The following OTUD3 variants were observed in gnomAD, a reference collection of about 807,000 sequenced individuals.
The protein encoded by OTUD3 is OTU domain-containing protein 3.
Under a neutral mutation model 46.2 loss-of-function variants are expected in OTUD3, and 24 were observed. That is an observed-to-expected ratio of 0.52 (90% CI 0.38 to 0.73). The LOEUF (loss-of-function observed/expected upper bound fraction) is 0.73, where lower values mean the gene tolerates loss of function less well. Among genes scored for constraint, OTUD3 ranks in the 30% least tolerant of loss-of-function variants. The pLI, the probability that OTUD3 is intolerant of heterozygous loss-of-function variation, is 0.00. For missense variants in OTUD3, 455 were observed against 523.3 expected (o/e 0.87, Z 1.27); for synonymous variants, 189 against 195.4 (o/e 0.97, Z 0.27).
chr1:19,897,807 A>G (rs1056265996), intron 4 of OTUD3, 145 bp downstream of exon 4: 13 of 801,864 alleles, frequency 1.6e-5, no homozygotes, highest in Non-Finnish European at 2.2e-5. Flanking sequence ...AATATTTTTT[A>G]TTTCTTAGTT....
At chr1:19,907,124 G>A (rs1425624925) in intron 7 of OTUD3, among the ~76,000 whole-genome samples, 1 of 152,142 alleles carries the variant, frequency 6.6e-6, no homozygotes. Context: ...AGTAGTATGT[G>A]ACATCTTCCA....
intron 1 of OTUD3, 75 bp from the exon 2 acceptor site, chr1:19,890,310 G>A: frequency 7.3e-7 from 1 of 1,378,024 alleles, no homozygotes. Flanking sequence ...TGGATGATCT[G>A]GCATGAAGCA....
Position 19,904,998 on chromosome 1 carries a change from G to T in OTUD3, c.835+11G>T, listed in dbSNP as rs377457551. On this transcript the variant is annotated intron_variant, in intron 6 of 7. Coordinates refer to ENST00000375120, the MANE Select transcript of OTUD3 (RefSeq NM_015207.2). ...AAGGGAAGAGAAATAGTAAGTCCAT[G>T]ACTAATATTTATAGATCTTCAAAAT... is the stretch of plus-strand genomic sequence containing the variant. 1 of 1,313,874 alleles carries T rather than the reference G, an allele frequency of 7.6e-7. No individual in the cohort carries two copies. Among genetic ancestry groups the T allele is most frequent in the African/African-American group, 1.5e-5 (1 of 67,960 alleles). 81.4% of individuals were successfully genotyped at this position (1,313,874 alleles called of 1,614,324 possible). A position where few individuals can be genotyped will look rare whatever the true frequency, so the allele number is the denominator to read the frequency against.
intron 1 of OTUD3, among the ~76,000 whole-genome samples, chr1:19,888,500 AAT>A (rs1258478022): frequency 1.3e-5 from 2 of 152,220 alleles, no homozygotes; most frequent in African/African-American, 4.8e-5. Context: ...TTTGGTAAGT[AAT>A]GAAAAGCATA....
At chr1:19,902,367 A>G (rs954048785) in intron 4 of OTUD3, among the ~76,000 whole-genome samples, 2 of 152,046 alleles carry the variant, frequency 1.3e-5, no homozygotes, top group Non-Finnish European at 2.9e-5. Flanking sequence ...CGCCACGCCC[A>G]GCTAAATTTT....
At chr1:19,893,365 A>G (rs956191474) in intron 2 of OTUD3, among the ~76,000 whole-genome samples, 14 of 152,158 alleles carry the variant, frequency 9.2e-5, no homozygotes, top group Admixed American at 2.0e-4. Flanking sequence ...ATGCAGATCA[A>G]TACTACTAGC....
At chr1:19,901,760 A>C (rs1185797746) in intron 4 of OTUD3, among the ~76,000 whole-genome samples, 2 of 152,142 alleles carry the variant, frequency 1.3e-5, no homozygotes, top group Non-Finnish European at 2.9e-5. Flanking sequence ...ATGTAAATGG[A>C]ATTATATGTG....
Position 19,904,261 on chromosome 1 carries a change from C to T in OTUD3, c.607-6C>T. ...TAGTTCCCTGATTATTACTTGTTTC[C>T]TTTAGTTTCAGATGCTTCATCAAGA... On this transcript the variant is annotated splice_region_variant and splice_polypyrimidine_tract_variant and intron_variant, in intron 4 of 7. Coordinates refer to ENST00000375120, the MANE Select transcript of OTUD3 (RefSeq NM_015207.2). 1.9e-6 allele frequency: 3 copies of T among 1,587,566 alleles called. No individual in the cohort carries two copies. The highest frequency in any genetic ancestry group is 1.7e-6 in the Non-Finnish European group (2 of 1,168,704).
Position 19,904,351 on chromosome 1 carries a change from G to A in OTUD3, c.691G>A (p.Glu231Lys). ...GMDSEDDLRD[E>K]VEDAVQKVCN... ...GGACTCTGAAGACGACCTGAGAGATGAAGTAGAGGATGCTGTCCAGAAAGT... is the reference window on the plus strand; with the variant it reads ...GGACTCTGAAGACGACCTGAGAGATAAAGTAGAGGATGCTGTCCAGAAAGT... The change falls in exon 5 of 8, where the codon GAA becomes AAA. Residue 231 changes from glutamate (E) to lysine (K), a missense_variant. Transcript: ENST00000375120. 1 of 1,613,074 alleles carries A rather than the reference G, an allele frequency of 6.2e-7. No individual in the cohort carries two copies. Among genetic ancestry groups the A allele is most frequent in the Non-Finnish European group, 8.5e-7 (1 of 1,179,356 alleles).
chr1:19,888,624 G>A (rs2045404373), intron 1 of OTUD3, among the ~76,000 whole-genome samples: 1 of 152,178 alleles, frequency 6.6e-6, no homozygotes, highest in East Asian at 1.9e-4. Flanking sequence ...ACGTTATTTG[G>A]ACTTGGATCC....
At chr1:19,905,085 T>C (rs1571183424) in intron 6 of OTUD3, 98 bp downstream of exon 6, 2 of 712,122 alleles carry the variant, frequency 2.8e-6, no homozygotes, top group East Asian at 2.5e-5. Context: ...GTAACTGTTC[T>C]GTCATTCATT....
intron 4 of OTUD3, among the ~76,000 whole-genome samples, chr1:19,899,288 T>C (rs1344051592): frequency 4.6e-5 from 7 of 152,170 alleles, no homozygotes; most frequent in African/African-American, 1.7e-4. Flanking sequence ...CAAGCAAATA[T>C]ATATATAGAT....
At chr1:19,892,350 A>G (rs1263568990) in intron 2 of OTUD3, among the ~76,000 whole-genome samples, 1 of 152,138 alleles carries the variant, frequency 6.6e-6, no homozygotes, top group Non-Finnish European at 1.5e-5. Flanking sequence ...TTTTAATGTC[A>G]GTGTGCTGCC....
intron 4 of OTUD3, among the ~76,000 whole-genome samples, chr1:19,903,929 G>T (rs1379943535): frequency 6.6e-6 from 1 of 152,214 alleles, no homozygotes; most frequent in Non-Finnish European, 1.5e-5. Context: ...ATCGTTTTCT[G>T]TTAAGCTCAC....
intron 1 of OTUD3, among the ~76,000 whole-genome samples, chr1:19,887,713 C>T (rs2045387062): frequency 6.7e-6 from 1 of 149,458 alleles, no homozygotes; most frequent in African/African-American, 2.4e-5. Context: ...TGATCACGTC[C>T]CCCTGAGCCT....
At chr1:19,903,304 A>G (rs2045617898) in intron 4 of OTUD3, among the ~76,000 whole-genome samples, 1 of 151,968 alleles carries the variant, frequency 6.6e-6, no homozygotes, top group African/African-American at 2.4e-5. Flanking sequence ...CACCCCCATC[A>G]GCCTCCCAAA....
chr1:19,900,569 C>T (rs140950585), intron 4 of OTUD3, among the ~76,000 whole-genome samples: 1 of 152,250 alleles, frequency 6.6e-6, no homozygotes, highest in Non-Finnish European at 1.5e-5. Flanking sequence ...GGCTATGGAT[C>T]CAACTTTATA....
Position 19,906,578 on chromosome 1 carries a change from A to G in OTUD3, c.982A>G (p.Ser328Gly). The G allele has an allele frequency of 6.2e-7, 1 of 1,613,146 alleles. No individual in the cohort carries two copies. Among genetic ancestry groups the G allele is most frequent in the East Asian group, 2.2e-5 (1 of 44,872 alleles). ...AAACAATAAGGCACAGGCCAGCCCT[A>G]GTGAAGAAAACAAAGCAAATAAAAA... ...TENNKAQASP[S>G]EENKANKNQL... The change falls in exon 7 of 8, where the codon AGT (serine) becomes GGT (glycine). Residue 328 changes from serine to glycine, a missense_variant. Physicochemically the swap from Ser to Gly is moderately conservative, Grantham distance 56. Coordinates refer to ENST00000375120, the MANE Select transcript of OTUD3 (RefSeq NM_015207.2).
At chr1:19,887,273 G>A (rs1338681243) in intron 1 of OTUD3, among the ~76,000 whole-genome samples, 4 of 151,916 alleles carry the variant, frequency 2.6e-5, no homozygotes, top group African/African-American at 9.7e-5. Context: ...TAGTAGAGAC[G>A]GGGTATCTCC....
Sources: gnomAD v4.1 joint callset for allele counts (sites outside exome capture counted in the v4.1 genomes callset) on GRCh38, gnomAD v4.1.1 for gene constraint, MANE v1.5 for transcripts, NCBI Gene and HGNC (gene_info 2026-07-23, HGNC 2026-07-21) for gene names.